AP4S1: variants seen among roughly 807,000 people sequenced by gnomAD.
The protein encoded by AP4S1 is adaptor related protein complex 4 subunit sigma 1.
Under a neutral mutation model 19.8 loss-of-function variants are expected in AP4S1, and 23 were observed. That is an observed-to-expected ratio of 1.16 (90% CI 0.84 to 1.65). The LOEUF is 1.65. Ranked by LOEUF, AP4S1 falls within the 40% of genes most tolerant of loss-of-function variation. AP4S1 has a pLI of 0.00. For synonymous variants in AP4S1, 46 were observed against 54.1 expected, an observed-to-expected ratio of 0.85 and a Z score of 0.66; for missense variants, 166 against 172.8, an observed-to-expected ratio of 0.96 and a Z score of 0.22.
chr14:31,076,615 T>A (rs1162223534), intron 4 of AP4S1, among the ~76,000 whole-genome samples: 1 of 152,236 alleles, frequency 6.6e-6, no homozygotes, highest in East Asian at 1.9e-4. Context: ...CCTTTGTAGA[T>A]GTTCAATTGT....
chr14:31,029,626 TG>T (rs886766149), intron 1 of AP4S1, among the ~76,000 whole-genome samples: 35 of 152,240 alleles, frequency 2.3e-4, no homozygotes, highest in African/African-American at 8.2e-4. Flanking sequence ...GAGACCAACC[TG>T]GGCAACATGG....
chr14:31,068,832 A>G (rs901714213), intron 2 of AP4S1, among the ~76,000 whole-genome samples: 1 of 152,154 alleles, frequency 6.6e-6, no homozygotes. Flanking sequence ...TAATGTCAGA[A>G]ACTCCTGAGA....
At chr14:31,050,993 T>TGAC (rs1447600825) in intron 1 of AP4S1, among the ~76,000 whole-genome samples, 1 of 152,004 alleles carries the variant, frequency 6.6e-6, no homozygotes, top group African/African-American at 2.4e-5. Context: ...CGGTGGCCCA[T>TGAC]GACTGTATTC....
chr14:31,035,793 GA>G (rs2139427571), intron 1 of AP4S1, among the ~76,000 whole-genome samples: 1 of 151,318 alleles, frequency 6.6e-6, no homozygotes, highest in South Asian at 2.1e-4. Context: ...GCAGTGGTGC[GA>G]TCTCGACTCA....
In AP4S1 at chr14:31,072,670, C is replaced by CA. The variant is rs143738121; in HGVS notation, c.226-227dup. Reference sequence around the variant, plus strand: ...ACGGATATGAACCATCACATCTGGCCAAAAAAAATCCTAGAAGTTAAGGTT... The same window carrying CA: ...ACGGATATGAACCATCACATCTGGCCAAAAAAAAATCCTAGAAGTTAAGGTT... On this transcript the variant is annotated intron_variant, in intron 3 of 5. Coordinates refer to ENST00000542754, the MANE Select transcript of AP4S1 (RefSeq NM_001128126.3). Among the ~76,000 whole-genome samples the CA allele has an allele frequency of 0.033, 5,032 of 151,744 alleles. 282 individuals carry two copies. The highest frequency in any genetic ancestry group is 0.11 in the African/African-American group (4,734 of 41,416).
At chr14:31,063,331 G>A (rs949264885) in intron 1 of AP4S1, among the ~76,000 whole-genome samples, 5 of 152,128 alleles carry the variant, frequency 3.3e-5, no homozygotes, top group South Asian at 2.1e-4. Flanking sequence ...TCAGGAGGTC[G>A]AGGCTGGAGA....
At chr14:31,080,184 A>G (rs1407290841) in intron 4 of AP4S1, among the ~76,000 whole-genome samples, 1 of 152,190 alleles carries the variant, frequency 6.6e-6, no homozygotes, top group Non-Finnish European at 1.5e-5. Flanking sequence ...GTCATATATC[A>G]TTGTGCCATT....
intron 1 of AP4S1, chr14:31,026,760 G>C (rs1884002438): frequency 6.6e-6 from 1 of 152,364 alleles, no homozygotes; most frequent in Non-Finnish European, 1.5e-5. Flanking sequence ...TTCCTTCCCA[G>C]GGGTCTCTCA....
At chr14:31,066,681 G>GT (rs1398755349) in intron 2 of AP4S1, among the ~76,000 whole-genome samples, 2 of 152,160 alleles carry the variant, frequency 1.3e-5, no homozygotes, top group African/African-American at 4.8e-5. Flanking sequence ...ATGAGTGCCT[G>GT]TATCAGGTAG....
chr14:31,035,770 C>T lies in AP4S1; in HGVS notation c.-72+9983C>T, dbSNP rs182907426. On this transcript the variant is annotated intron_variant, in intron 1 of 5. Coordinates refer to ENST00000542754, the MANE Select transcript of AP4S1 (RefSeq NM_001128126.3). ...TTTGAGACAGAGTCTCGATCTGTCA[C>T]CCAGGCTGGAGTGCAGTGGTGCGAT... Among the ~76,000 whole-genome samples, 471 of 150,612 alleles carry T rather than the reference C, an allele frequency of 3.1e-3. 1 individual carries two copies. The highest frequency in any genetic ancestry group is 0.011 in the African/African-American group (440 of 41,018).
At position 31,093,059 on chromosome 14, in the gene AP4S1, T is replaced by C. The variant is rs1308203758; in HGVS notation, c.*24T>C. 6.5e-7 allele frequency: 1 copy of C among 1,544,422 alleles called. No homozygotes were observed. Among genetic ancestry groups the C allele is most frequent in the Admixed American group, 2.0e-5 (1 of 49,752 alleles). On this transcript the variant is annotated 3_prime_UTR_variant, in exon 6 of 6. Transcript: ENST00000542754. Reference sequence around the variant, plus strand: ...GAAAGGAAGTCTCTTCGAGACAATATGGATTTATCAGAAATGCGAGTACCG... The same window carrying C: ...GAAAGGAAGTCTCTTCGAGACAATACGGATTTATCAGAAATGCGAGTACCG...
At chr14:31,072,436 T>C (rs974790052) in intron 3 of AP4S1, among the ~76,000 whole-genome samples, 8 of 151,868 alleles carry the variant, frequency 5.3e-5, no homozygotes, top group Non-Finnish European at 2.9e-5. Context: ...AGTGGTGCCA[T>C]CATAGCTCAC....
intron 4 of AP4S1, among the ~76,000 whole-genome samples, chr14:31,080,027 C>CT (rs34709233): frequency 1.5e-4 from 23 of 152,042 alleles, no homozygotes; most frequent in Non-Finnish European, 2.5e-4. Context: ...CATTTTGTAA[C>CT]TTTTTTTAAC....
chr14:31,074,632 C>T (rs1887256475), intron 4 of AP4S1, among the ~76,000 whole-genome samples: 1 of 152,042 alleles, frequency 6.6e-6, no homozygotes, highest in Non-Finnish European at 1.5e-5. Context: ...GAGATCACGC[C>T]ACTGCACTCC....
intron 1 of AP4S1, among the ~76,000 whole-genome samples, chr14:31,065,283 C>G (rs2139564857): frequency 6.6e-6 from 1 of 152,326 alleles, no homozygotes; most frequent in Middle Eastern, 3.4e-3. Context: ...CTGCCTCAGT[C>G]TTCCCCTGTA....
intron 4 of AP4S1, 114 bp from the exon 5 acceptor site, chr14:31,080,459 C>A: frequency 1.2e-6 from 1 of 835,256 alleles, no homozygotes; most frequent in Non-Finnish European, 2.0e-6. Flanking sequence ...AGCCCAGAAG[C>A]AGGTAGGAGA....
intron 5 of AP4S1, among the ~76,000 whole-genome samples, chr14:31,092,463 T>G (rs1888101008): frequency 6.6e-6 from 1 of 152,182 alleles, no homozygotes; most frequent in South Asian, 2.1e-4. Context: ...GGATAATATG[T>G]AACAACATAC....
intron 1 of AP4S1, among the ~76,000 whole-genome samples, chr14:31,047,756 G>A (rs1332970190): frequency 6.6e-6 from 1 of 152,068 alleles, no homozygotes; most frequent in Non-Finnish European, 1.5e-5. Context: ...TTGGCTCACT[G>A]CAACCTCCTC....
At chr14:31,082,822 G>A (rs1258227842) in intron 5 of AP4S1, among the ~76,000 whole-genome samples, 6 of 152,022 alleles carry the variant, frequency 3.9e-5, no homozygotes, top group African/African-American at 1.4e-4. Flanking sequence ...CGTGAACCCG[G>A]GAGGCGGAGC....
Sources: allele counts gnomAD v4.1 joint callset (sites outside exome capture counted in the v4.1 genomes callset), GRCh38; gene constraint gnomAD v4.1.1; transcripts MANE v1.5; gene names NCBI Gene and HGNC (gene_info 2026-07-23, HGNC 2026-07-21).